CDYL2: variants seen among roughly 807,000 people sequenced by gnomAD.
The protein encoded by CDYL2 is chromodomain Y-like protein 2.
In CDYL2, 23 loss-of-function variants were observed where a neutral mutation model predicts 49.4. That is an observed-to-expected ratio of 0.47 (90% confidence interval 0.34 to 0.66). CDYL2 has a LOEUF of 0.66. Ranked by LOEUF, CDYL2 falls within the 30% of genes least tolerant of loss-of-function variation. The probability of loss-of-function intolerance (pLI) is 0.01; values close to 1 mark genes in which losing one functional copy is unlikely to be tolerated. For synonymous variants in CDYL2, 360 were observed against 268.8 expected (o/e 1.34, Z -3.32); for missense variants, 678 against 656.4 (o/e 1.03, Z -0.36).
At chr16:80,753,064 A>G (rs1906190332) in intron 1 of CDYL2, among the ~76,000 whole-genome samples, 1 of 152,260 alleles carries the variant, frequency 6.6e-6, no homozygotes, top group Non-Finnish European at 1.5e-5. Context: ...GCATGACAAC[A>G]TTAACACAAA....
In CDYL2 at chr16:80,598,918, T is replaced by C. The variant is rs1905956803; in HGVS notation, c.*5470A>G. 6.6e-6 allele frequency: 1 copy of C among 151,988 alleles called. No individual in the cohort carries two copies. The highest frequency in any genetic ancestry group is 1.5e-5 in the Non-Finnish European group (1 of 68,014). 9.4% of individuals were successfully genotyped at this position (151,988 alleles called of 1,614,324 possible). A position where few individuals can be genotyped will look rare whatever the true frequency, so the allele number is the denominator to read the frequency against. On this transcript the variant is annotated 3_prime_UTR_variant, in exon 7 of 7. Coordinates refer to ENST00000570137, the MANE Select transcript of CDYL2 (RefSeq NM_152342.4). ...AATAATGGAATTCTTTGGTTCTCGG[T>C]TTTATGAAAGGCAATATTGTCACAA...
At chr16:80,715,993 G>A (rs190967964) in intron 1 of CDYL2, among the ~76,000 whole-genome samples, 4 of 152,340 alleles carry the variant, frequency 2.6e-5, no homozygotes, top group East Asian at 1.9e-4. Context: ...TACGCCCTTG[G>A]GCAGAGAGCT....
At chr16:80,789,179 G>A (rs959670759) in intron 1 of CDYL2, among the ~76,000 whole-genome samples, 1 of 152,156 alleles carries the variant, frequency 6.6e-6, no homozygotes, top group African/African-American at 2.4e-5. Context: ...TGCTGGGAAT[G>A]TAAATTAGTT....
chr16:80,743,374 C>A (rs1048966554), intron 1 of CDYL2, among the ~76,000 whole-genome samples: 2 of 151,840 alleles, frequency 1.3e-5, no homozygotes, highest in South Asian at 4.1e-4. Context: ...AAAGAAGTCA[C>A]AAAGTGTGAA....
At chr16:80,658,414 T>C (rs1216720462) in intron 2 of CDYL2, among the ~76,000 whole-genome samples, 1 of 152,180 alleles carries the variant, frequency 6.6e-6, no homozygotes, top group African/African-American at 2.4e-5. Flanking sequence ...CTTTTGGATA[T>C]AATATTATGA....
intron 4 of CDYL2, among the ~76,000 whole-genome samples, chr16:80,618,022 G>T (rs1906908590): frequency 6.6e-6 from 1 of 152,152 alleles, no homozygotes; most frequent in Non-Finnish European, 1.5e-5. Flanking sequence ...GCCTCTCTGT[G>T]CTGTCAGGGC....
chr16:80,674,354 C>T (rs1187467767), intron 2 of CDYL2, among the ~76,000 whole-genome samples: 3 of 152,128 alleles, frequency 2.0e-5, no homozygotes, highest in African/African-American at 4.8e-5. Flanking sequence ...AGAAGGCTCC[C>T]TTGCACATGG....
intron 2 of CDYL2, among the ~76,000 whole-genome samples, chr16:80,638,478 C>T (rs1452666618): frequency 6.6e-6 from 1 of 152,182 alleles, no homozygotes; most frequent in Admixed American, 6.5e-5. Context: ...TATTGGCAAA[C>T]TGATTCTAAA....
At chr16:80,703,224 C>G (rs1286084620) in intron 1 of CDYL2, among the ~76,000 whole-genome samples, 1 of 152,162 alleles carries the variant, frequency 6.6e-6, no homozygotes, top group Non-Finnish European at 1.5e-5. Context: ...TCTTTATACT[C>G]TTTTGTATTT....
intron 2 of CDYL2, among the ~76,000 whole-genome samples, chr16:80,670,664 G>A (rs915779206): frequency 7.2e-5 from 11 of 152,120 alleles, no homozygotes; most frequent in East Asian, 3.9e-4. Flanking sequence ...GGACGGCAAC[G>A]TCTTAATGAC....
chr16:80,745,722 T>A (rs1238092403), intron 1 of CDYL2, among the ~76,000 whole-genome samples: 1 of 152,216 alleles, frequency 6.6e-6, no homozygotes, highest in Non-Finnish European at 1.5e-5. Flanking sequence ...TAGCTTTTGG[T>A]AGCAAAATAC....
chr16:80,801,770 TAAC>T (rs777888480), intron 1 of CDYL2, among the ~76,000 whole-genome samples: 1 of 151,720 alleles, frequency 6.6e-6, no homozygotes, highest in Non-Finnish European at 1.5e-5. Context: ...TTTACCCACA[TAAC>T]AACTTTACAG....
At chr16:80,792,012 G>C (rs1907625802) in intron 1 of CDYL2, among the ~76,000 whole-genome samples, 1 of 152,142 alleles carries the variant, frequency 6.6e-6, no homozygotes, top group African/African-American at 2.4e-5. Flanking sequence ...AAATATGCAG[G>C]ATGCTGATTC....
At chr16:80,637,208 C>G (rs917267288) in intron 2 of CDYL2, among the ~76,000 whole-genome samples, 2 of 127,182 alleles carry the variant, frequency 1.6e-5, no homozygotes, top group South Asian at 6.3e-4. Flanking sequence ...TCTTTTAGTT[C>G]CTAAAAAGCA....
At chr16:80,623,585 C>T (rs1907177951) in intron 3 of CDYL2, among the ~76,000 whole-genome samples, 1 of 152,200 alleles carries the variant, frequency 6.6e-6, no homozygotes, top group Non-Finnish European at 1.5e-5. Context: ...TGAGTTTCTT[C>T]ATGTTCATGG....
chr16:80,653,840 T>G (rs1375712001), intron 2 of CDYL2, among the ~76,000 whole-genome samples: 2 of 152,198 alleles, frequency 1.3e-5, no homozygotes, highest in Non-Finnish European at 2.9e-5. Context: ...TACACTTGCG[T>G]GTACACAGGG....
intron 2 of CDYL2, among the ~76,000 whole-genome samples, chr16:80,681,251 G>C (rs1343431389): frequency 6.6e-6 from 1 of 152,006 alleles, no homozygotes; most frequent in Non-Finnish European, 1.5e-5. Context: ...AACCCCTTCT[G>C]CTGGGCTAAG....
At position 80,598,858 on chromosome 16, in the gene CDYL2, T is replaced by C. The variant is rs1298505741; in HGVS notation, c.*5530A>G. 9 of 152,316 alleles carry C rather than the reference T, an allele frequency of 5.9e-5. No homozygotes were observed. The South Asian group carries it at 8.3e-4, about 14-fold the overall frequency. The allele number at this position is 152,316 out of a possible 1,614,324, so 9.4% of individuals were successfully genotyped here. A position where few individuals can be genotyped will look rare whatever the true frequency, so the allele number is the denominator to read the frequency against. On this transcript the variant is annotated 3_prime_UTR_variant, in exon 7 of 7. Transcript: ENST00000570137. ...TCAAGCATGCACATATCTGTCTAGA[T>C]GTGCCCACAATCTATGAAACTCAGG...
chr16:80,754,269 G>A (rs1455665323), intron 1 of CDYL2, among the ~76,000 whole-genome samples: 2 of 152,158 alleles, frequency 1.3e-5, no homozygotes, highest in Non-Finnish European at 2.9e-5. Flanking sequence ...GGTTCACCTG[G>A]AAAGAGGAGC....
Sources: allele counts gnomAD v4.1 joint callset (sites outside exome capture counted in the v4.1 genomes callset), GRCh38; gene constraint gnomAD v4.1.1; transcripts MANE v1.5; gene names NCBI Gene and HGNC (gene_info 2026-07-23, HGNC 2026-07-21).